DOCK5: variants seen among roughly 807,000 people sequenced by gnomAD.
DOCK5 encodes the protein dedicator of cytokinesis protein 5.
DOCK5 carries 142 observed loss-of-function variants against 251.8 expected under a neutral mutation model. The observed-to-expected ratio is 0.56, with a 90% CI of 0.49 to 0.65. DOCK5 has a LOEUF of 0.65. DOCK5 is among the 30% of genes least tolerant of loss of function. DOCK5 has a pLI of 0.00. For missense variants in DOCK5, 2,111 were observed against 2,312.3 expected (o/e 0.91, Z 1.79); for synonymous variants, 842 against 835.5 (o/e 1.01, Z -0.13).
At chr8:25,289,748 A>C (rs1241732005) in intron 5 of DOCK5, among the ~76,000 whole-genome samples, 1 of 151,980 alleles carries the variant, frequency 6.6e-6, no homozygotes, top group African/African-American at 2.4e-5. Context: ...AGGCTGAGGC[A>C]GGAGAATCAC....
At chr8:25,264,850 A>C (rs1563330335) in intron 2 of DOCK5, among the ~76,000 whole-genome samples, 3 of 151,908 alleles carry the variant, frequency 2.0e-5, no homozygotes, top group African/African-American at 4.9e-5. Context: ...ACAACAACAA[A>C]AAAAACATAA....
intron 2 of DOCK5, among the ~76,000 whole-genome samples, chr8:25,245,534 C>T (rs1803075841): frequency 6.7e-6 from 1 of 149,194 alleles, no homozygotes; most frequent in Non-Finnish European, 1.5e-5. Flanking sequence ...TTATTGGGTG[C>T]AAAGTTCTTT....
intron 44 of DOCK5, 27 bp from the exon 45 acceptor site, chr8:25,395,516 C>G: frequency 1.9e-6 from 3 of 1,591,280 alleles, no homozygotes; most frequent in Non-Finnish European, 1.7e-6. Flanking sequence ...CAAGTGTCCT[C>G]TTTCTCCCAT....
intron 10 of DOCK5, among the ~76,000 whole-genome samples, chr8:25,302,814 A>G (rs180671259): frequency 2.0e-5 from 3 of 152,348 alleles, no homozygotes; most frequent in African/African-American, 4.8e-5. Context: ...GTGAGACACA[A>G]AAGGACAAAT....
intron 2 of DOCK5, among the ~76,000 whole-genome samples, chr8:25,246,254 C>A (rs986636145): frequency 1.3e-5 from 2 of 152,006 alleles, no homozygotes; most frequent in Non-Finnish European, 2.9e-5. Context: ...CTCAGGAATC[C>A]TTTCTTTTTG....
intron 2 of DOCK5, among the ~76,000 whole-genome samples, chr8:25,267,191 T>G (rs1370540203): frequency 3.9e-5 from 6 of 152,172 alleles, no homozygotes; most frequent in African/African-American, 1.2e-4. Flanking sequence ...CTTAGTATCC[T>G]TCTTATTCCT....
intron 2 of DOCK5, among the ~76,000 whole-genome samples, chr8:25,265,635 G>C (rs1026938296): frequency 2.0e-5 from 3 of 151,748 alleles, no homozygotes; most frequent in African/African-American, 7.3e-5. Flanking sequence ...TTTAACATTA[G>C]AGTGTAATCT....
At chr8:25,194,574 T>C (rs1360437498) in intron 1 of DOCK5, among the ~76,000 whole-genome samples, 1 of 152,036 alleles carries the variant, frequency 6.6e-6, no homozygotes, top group Admixed American at 6.5e-5. Flanking sequence ...TGGCTCTCAT[T>C]CCCATTCATT....
chr8:25,403,061 G>T (rs953289242), intron 47 of DOCK5, among the ~76,000 whole-genome samples: 1 of 152,192 alleles, frequency 6.6e-6, no homozygotes, highest in African/African-American at 2.4e-5. Flanking sequence ...GCCGGTATTA[G>T]TGAGTCATTT....
intron 1 of DOCK5, among the ~76,000 whole-genome samples, chr8:25,235,799 C>CTTTT (rs924321586): frequency 2.3e-5 from 3 of 128,606 alleles, no homozygotes; most frequent in Non-Finnish European, 3.2e-5. Context: ...TTTTCTTTTC[C>CTTTT]TTTTTTTTTT....
intron 1 of DOCK5, among the ~76,000 whole-genome samples, chr8:25,220,587 G>A (rs1802360225): frequency 6.6e-6 from 1 of 152,044 alleles, no homozygotes; most frequent in Non-Finnish European, 1.5e-5. Flanking sequence ...GTGTCCCTGA[G>A]GCCGGAACAT....
chr8:25,268,714 C>A (rs1475748396), intron 2 of DOCK5, 131 bp from the exon 3 acceptor site: 2 of 700,834 alleles, frequency 2.9e-6, no homozygotes, highest in East Asian at 3.1e-5. Flanking sequence ...CATCTTCTAA[C>A]GTACTGTTAA....
chr8:25,271,893 A>G (rs986274838), intron 3 of DOCK5, among the ~76,000 whole-genome samples: 4 of 152,212 alleles, frequency 2.6e-5, no homozygotes, highest in Non-Finnish European at 4.4e-5. Flanking sequence ...GAGCAATTCT[A>G]TGACTGTAAA....
At chr8:25,276,118 C>A (rs994425492) in intron 4 of DOCK5, among the ~76,000 whole-genome samples, 2 of 152,098 alleles carry the variant, frequency 1.3e-5, no homozygotes, top group Non-Finnish European at 2.9e-5. Flanking sequence ...CTGATAAGAT[C>A]TGAGAAGCCC....
chr8:25,353,568 T>G (rs1234480581), intron 27 of DOCK5, among the ~76,000 whole-genome samples: 1 of 151,762 alleles, frequency 6.6e-6, no homozygotes, highest in African/African-American at 2.4e-5. Flanking sequence ...AAGGAAATAC[T>G]ATTTTTTTTT....
At chr8:25,271,414 A>C (rs952056953) in intron 3 of DOCK5, among the ~76,000 whole-genome samples, 1 of 152,228 alleles carries the variant, frequency 6.6e-6, no homozygotes, top group Non-Finnish European at 1.5e-5. Flanking sequence ...TTCAGTTGCC[A>C]TGAATTCTGC....
intron 3 of DOCK5, among the ~76,000 whole-genome samples, chr8:25,269,786 C>G (rs1359471190): frequency 1.3e-5 from 2 of 152,114 alleles, no homozygotes; most frequent in African/African-American, 4.8e-5. Flanking sequence ...AGTTCACATG[C>G]CAAATAGCAA....
chr8:25,364,841 G>T, intron 30 of DOCK5, 137 bp downstream of exon 30: 1 of 632,444 alleles, frequency 1.6e-6, no homozygotes. Context: ...ATTTCCTAAA[G>T]CACATATGCC....
chr8:25,389,277 T>G lies in DOCK5; in HGVS notation c.4273+45T>G, dbSNP rs553773874. ...TATGGCCCCGAGGCTCTTATGGCTGTGCACAGCCCCAGCTAAGCCAGAGAA... is the reference window on the plus strand; with the variant it reads ...TATGGCCCCGAGGCTCTTATGGCTGGGCACAGCCCCAGCTAAGCCAGAGAA... On this transcript the variant is annotated intron_variant, in intron 41 of 51. Transcript: ENST00000276440. 1.4e-4 allele frequency: 226 copies of G among 1,596,112 alleles called. 5 individuals carry two copies. The South Asian group carries it at 2.4e-3, about 17-fold the overall frequency.
Sources: gnomAD v4.1 joint callset for allele counts (sites outside exome capture counted in the v4.1 genomes callset) on GRCh38, gnomAD v4.1.1 for gene constraint, MANE v1.5 for transcripts, NCBI Gene and HGNC (gene_info 2026-07-23, HGNC 2026-07-21) for gene names.